The following PRRG4 variants were observed in gnomAD, a reference collection of about 807,000 sequenced individuals.
PRRG4 encodes the protein transmembrane gamma-carboxyglutamic acid protein 4.
In PRRG4, 12 loss-of-function variants were observed where a neutral mutation model predicts 20.0. The ratio of observed to expected loss-of-function variants is 0.60; its 90% confidence interval spans 0.38 to 0.97. PRRG4 has a LOEUF of 0.97. PRRG4 is among the 50% of genes least tolerant of loss of function. The pLI, the probability that PRRG4 is intolerant of heterozygous loss-of-function variation, is 0.00. For missense variants in PRRG4, 199 were observed against 265.1 expected, an observed-to-expected ratio of 0.75 and a Z score of 1.73; for synonymous variants, 94 against 96.4, an observed-to-expected ratio of 0.98 and a Z score of 0.15.
chr11:32,832,551 G>A (rs111487037), intron 2 of PRRG4, among the ~76,000 whole-genome samples: 1 of 149,460 alleles, frequency 6.7e-6, no homozygotes, highest in African/African-American at 2.5e-5. Flanking sequence ...CGTGATCACG[G>A]CTCACTGCAA....
chr11:32,850,018 C>T (rs1851167626), intron 5 of PRRG4, among the ~76,000 whole-genome samples: 2 of 152,216 alleles, frequency 1.3e-5, no homozygotes, highest in Admixed American at 6.5e-5. Context: ...AGATTTTATT[C>T]AGTGTGACTT....
intron 5 of PRRG4, among the ~76,000 whole-genome samples, chr11:32,851,553 CTTTTCT>C (rs1851183563): frequency 6.6e-6 from 1 of 152,176 alleles, no homozygotes; most frequent in African/African-American, 2.4e-5. Context: ...AGACCTTTTG[CTTTTCT>C]TCTTTCTCGC....
chr11:32,850,162 A>G (rs1851168755), intron 5 of PRRG4, among the ~76,000 whole-genome samples: 1 of 152,226 alleles, frequency 6.6e-6, no homozygotes, highest in Non-Finnish European at 1.5e-5. Flanking sequence ...CTCATATGCA[A>G]TAGTTTCACT....
intron 5 of PRRG4, among the ~76,000 whole-genome samples, chr11:32,845,653 C>G (rs1420822284): frequency 3.0e-5 from 2 of 65,804 alleles, no homozygotes; most frequent in Non-Finnish European, 5.4e-5. Flanking sequence ...TAACACTGTT[C>G]TTATAAATGG....
intron 2 of PRRG4, among the ~76,000 whole-genome samples, chr11:32,831,667 A>G (rs925832847): frequency 6.6e-6 from 1 of 152,196 alleles, no homozygotes; most frequent in African/African-American, 2.4e-5. Flanking sequence ...AGGTTCCATA[A>G]TCAGATGCTC....
intron 3 of PRRG4, 95 bp downstream of exon 3, chr11:32,836,916 A>T (rs1738980337): frequency 1.0e-6 from 1 of 978,292 alleles, no homozygotes; most frequent in Non-Finnish European, 1.5e-6. Context: ...CCTTAAACAC[A>T]ATCAGGATTA....
chr11:32,831,963 T>C (rs1850976308), intron 2 of PRRG4, among the ~76,000 whole-genome samples: 1 of 152,038 alleles, frequency 6.6e-6, no homozygotes, highest in Admixed American at 6.5e-5. Context: ...CACTCCAGCC[T>C]GGGCGACAGA....
chr11:32,854,681 TTAATA>T lies in PRRG4; in HGVS notation c.*1159_*1163del, dbSNP rs1361736548. ...GACATTTCAGTATAAATCTGTGACC[TTAATA>T]TAATCACTTGGTTTTATATGTTAAA... On this transcript the variant is annotated 3_prime_UTR_variant, in exon 6 of 6. Coordinates refer to ENST00000257836, the MANE Select transcript of PRRG4 (RefSeq NM_024081.6). 2.0e-5 allele frequency: 3 copies of T among 152,194 alleles called. No individual in the cohort carries two copies. Among genetic ancestry groups the T allele is most frequent in the Admixed American group, 2.0e-4 (3 of 15,258 alleles). The allele number at this position is 152,194 out of a possible 1,614,324, so 9.4% of individuals were successfully genotyped here. A position where few individuals can be genotyped will look rare whatever the true frequency, so the allele number is the denominator to read the frequency against.
intron 2 of PRRG4, among the ~76,000 whole-genome samples, chr11:32,833,583 G>C (rs1850993941): frequency 6.6e-6 from 1 of 152,174 alleles, no homozygotes; most frequent in Non-Finnish European, 1.5e-5. Flanking sequence ...GGCAGGCTAT[G>C]GGTTGCTTAA....
chr11:32,832,479 C>CTTTTTTTT (rs555430349), intron 2 of PRRG4, among the ~76,000 whole-genome samples: 17 of 121,262 alleles, frequency 1.4e-4, no homozygotes, highest in African/African-American at 2.5e-4. Context: ...TGGTGAAATT[C>CTTTTTTTT]TTTTTTTTTT....
chr11:32,846,871 A>G (rs2133448205), intron 5 of PRRG4, among the ~76,000 whole-genome samples: 1 of 152,090 alleles, frequency 6.6e-6, no homozygotes, highest in Admixed American at 6.5e-5. Context: ...GGTGGCACAC[A>G]CATATAGTCC....
Position 32,853,590 on chromosome 11 carries a change from G to C in PRRG4, c.*63G>C. 1 of 1,317,746 alleles carries C rather than the reference G, an allele frequency of 7.6e-7. No homozygotes were observed. Among genetic ancestry groups the C allele is most frequent in the Non-Finnish European group, 1.1e-6 (1 of 929,786 alleles). The allele number at this position is 1,317,746 out of a possible 1,614,324, so 81.6% of individuals were successfully genotyped here. A position where few individuals can be genotyped will look rare whatever the true frequency, so the allele number is the denominator to read the frequency against. ...TGATAGGCCGGGCATGGTGGCTCAT[G>C]CCTGTAATCCCAGCACTTTGGGAGG... is the stretch of plus-strand genomic sequence containing the variant. On this transcript the variant is annotated 3_prime_UTR_variant, in exon 6 of 6. Coordinates refer to ENST00000257836, the MANE Select transcript of PRRG4 (RefSeq NM_024081.6).
chr11:32,841,450 A>G (rs1851078045), intron 5 of PRRG4, among the ~76,000 whole-genome samples: 1 of 152,194 alleles, frequency 6.6e-6, no homozygotes, highest in Non-Finnish European at 1.5e-5. Flanking sequence ...TGACATGACA[A>G]TTAATGCAAT....
In PRRG4 at chr11:32,853,787, C is replaced by T; in HGVS notation, c.*260C>T. The T allele has an allele frequency of 2.8e-6, 1 of 358,204 alleles. No homozygotes were observed. The highest frequency in any genetic ancestry group is 3.5e-5 in the South Asian group (1 of 28,286). 22.2% of individuals were successfully genotyped at this position (358,204 alleles called of 1,614,324 possible). ...AGGTTGCAGTAAGCTGAGATCACGC[C>T]ACTGCATTCCAGCCTGGGCGACAGA... is the stretch of plus-strand genomic sequence containing the variant. On this transcript the variant is annotated 3_prime_UTR_variant, in exon 6 of 6. Coordinates refer to ENST00000257836, the MANE Select transcript of PRRG4 (RefSeq NM_024081.6).
intron 2 of PRRG4, among the ~76,000 whole-genome samples, chr11:32,834,406 AT>A (rs1235881657): frequency 2.0e-5 from 3 of 152,208 alleles, no homozygotes; most frequent in African/African-American, 4.8e-5. Flanking sequence ...GAAATATTTC[AT>A]CACACTAGCC....
chr11:32,851,840 A>G (rs913798618), intron 5 of PRRG4, among the ~76,000 whole-genome samples: 12 of 152,208 alleles, frequency 7.9e-5, no homozygotes, highest in African/African-American at 2.9e-4. Flanking sequence ...CAGGCATGCA[A>G]TGTGAAATAA....
intron 5 of PRRG4, among the ~76,000 whole-genome samples, chr11:32,846,168 A>T (rs1052856805): frequency 6.6e-5 from 10 of 151,626 alleles, no homozygotes; most frequent in African/African-American, 1.7e-4. Context: ...TAATAATAAA[A>T]AATAATAATA....
intron 5 of PRRG4, among the ~76,000 whole-genome samples, chr11:32,845,757 G>A (rs1401140033): frequency 6.6e-6 from 1 of 151,994 alleles, no homozygotes; most frequent in Non-Finnish European, 1.5e-5. Flanking sequence ...ACTAGGAAGG[G>A]GTGTTTCAAG....
At chr11:32,838,649 G>A (rs972415319) in intron 3 of PRRG4, among the ~76,000 whole-genome samples, 1 of 152,092 alleles carries the variant, frequency 6.6e-6, no homozygotes, top group African/African-American at 2.4e-5. Context: ...AGTAGGCACA[G>A]TAGTAAAGAG....
Sources: allele counts gnomAD v4.1 joint callset (sites outside exome capture counted in the v4.1 genomes callset), GRCh38; gene constraint gnomAD v4.1.1; transcripts MANE v1.5; gene names NCBI Gene and HGNC (gene_info 2026-07-23, HGNC 2026-07-21).